The following WT1 variants were observed in gnomAD, a reference collection of about 807,000 sequenced individuals.
WT1 encodes WT1 transcription factor.
Under a neutral mutation model 60.8 loss-of-function variants are expected in WT1, and 8 were observed. The ratio of observed to expected loss-of-function variants is 0.13; its 90% CI spans 0.08 to 0.24. The LOEUF is 0.24. Among genes scored for constraint, WT1 ranks in the 10% least tolerant of loss-of-function variants. The pLI is 1.00. For synonymous variants in WT1, 312 were observed against 297.1 expected (o/e 1.05, Z -0.52); for missense variants, 568 against 711.8 (o/e 0.80, Z 2.30).
At chr11:32,406,458 C>T (rs1186508521) in intron 5 of WT1, among the ~76,000 whole-genome samples, 1 of 152,024 alleles carries the variant, frequency 6.6e-6, no homozygotes, top group South Asian at 2.1e-4. Flanking sequence ...TTTGCTACCT[C>T]GCCTGCCGCT....
chr11:32,392,150 G>T, intron 8 of WT1, 86 bp from the exon 9 acceptor site: 1 of 1,213,140 alleles, frequency 8.2e-7, no homozygotes, highest in Non-Finnish European at 1.2e-6. Context: ...AGCTGGAGGA[G>T]CCCAGCATTT....
chr11:32,416,926 C>T (rs778623647), intron 4 of WT1, among the ~76,000 whole-genome samples: 3 of 152,168 alleles, frequency 2.0e-5, no homozygotes, highest in Non-Finnish European at 4.4e-5. Flanking sequence ...GCTGCAGGCA[C>T]TTCATGAGTG....
chr11:32,421,850 G>A (rs1362553139), intron 3 of WT1, among the ~76,000 whole-genome samples: 1 of 152,204 alleles, frequency 6.6e-6, no homozygotes, highest in Non-Finnish European at 1.5e-5. Context: ...GTCATCAAGG[G>A]AATAGAACCA....
rs1189961244 is a variant in WT1, at chr11:32,388,745, CA to C, written c.*312del. On this transcript the variant is annotated 3_prime_UTR_variant, in exon 10 of 10. Transcript: ENST00000452863. Reference sequence around the variant, plus strand: ...GAGCATAAAAAAAGAAGGGAAGGGTCAGGGGGACATGATCAGCTATGGCTCT... The same window carrying C: ...GAGCATAAAAAAAGAAGGGAAGGGTCGGGGGACATGATCAGCTATGGCTCT... 2.2e-6 allele frequency: 1 copy of C among 459,722 alleles called. No individual in the cohort carries two copies. Among genetic ancestry groups the C allele is most frequent in the Non-Finnish European group, 4.0e-6 (1 of 251,352 alleles). The allele number at this position is 459,722 out of a possible 1,614,324, so 28.5% of individuals were successfully genotyped here.
At chr11:32,427,210 T>A (rs1447992661) in intron 3 of WT1, among the ~76,000 whole-genome samples, 2 of 152,176 alleles carry the variant, frequency 1.3e-5, no homozygotes, top group Non-Finnish European at 2.9e-5. Flanking sequence ...GGCAACCCTA[T>A]CGCAGACGCG....
In WT1 at chr11:32,410,508, T is replaced by G. The variant is rs563592865; in HGVS notation, c.1016+5982A>C. Among the ~76,000 whole-genome samples, 321 of 152,314 alleles carry G rather than the reference T, an allele frequency of 2.1e-3. 1 individual carries two copies. Among genetic ancestry groups the G allele is most frequent in the Non-Finnish European group, 1.5e-3 (100 of 68,032 alleles). On this transcript the variant is annotated intron_variant, in intron 5 of 9. Transcript: ENST00000452863. ...TATATTTAGAGGTAACTGCAATTAATAGTCTGATAAATGTTTCCAGAATTT... is the reference window on the plus strand; with the variant it reads ...TATATTTAGAGGTAACTGCAATTAAGAGTCTGATAAATGTTTCCAGAATTT...
Position 32,435,112 on chromosome 11 carries a change from C to T in WT1, c.249G>A (p.Ala83=), listed in dbSNP as rs1233220797. ...CCAGGGAGGGGACGGCGGGCAGCAG[C>T]GCGTTCAGGTCCCGCACGTCGGAGC... Residue 83 remains alanine (A), a synonymous_variant, in exon 1 of 10, where the codon GCG becomes GCA. Coordinates refer to ENST00000452863, the MANE Select transcript of WT1 (RefSeq NM_024426.6). 3 of 1,509,100 alleles carry T rather than the reference C, an allele frequency of 2.0e-6. No homozygotes were observed. Among genetic ancestry groups the T allele is most frequent in the Non-Finnish European group, 2.6e-6 (3 of 1,136,856 alleles). 93.5% of individuals were successfully genotyped at this position (1,509,100 alleles called of 1,614,324 possible).
chr11:32,400,453 A>C, intron 5 of WT1: 2 of 344,184 alleles, frequency 5.8e-6, no homozygotes, highest in South Asian at 4.8e-5. Flanking sequence ...TCGGCACCTC[A>C]TGACTCAGTT....
intron 1 of WT1, among the ~76,000 whole-genome samples, chr11:32,431,461 G>A (rs1853308018): frequency 2.0e-5 from 3 of 147,454 alleles, no homozygotes; most frequent in Admixed American, 1.3e-4. Flanking sequence ...TTCCGAGACG[G>A]AGTTTCGCTC....
At chr11:32,408,402 C>A (rs1285784131) in intron 5 of WT1, among the ~76,000 whole-genome samples, 1 of 150,276 alleles carries the variant, frequency 6.7e-6, no homozygotes, top group Admixed American at 6.7e-5. Context: ...GTAGTCCCAG[C>A]TACTTGGGAG....
rs1853447426 is a variant in WT1, at chr11:32,434,912, C to T, written c.449G>A (p.Ser150Asn). ...CTCGTGCGGCTCCGCGCCGCCCCAGCTCGGCTCCTGTTTGATGAAGGAGTG... is the reference window on the plus strand; with the variant it reads ...CTCGTGCGGCTCCGCGCCGCCCCAGTTCGGCTCCTGTTTGATGAAGGAGTG... Residue 150 changes from serine to asparagine, a missense_variant, in exon 1 of 10, where the codon AGC becomes AAC. By Grantham distance (46) the Ser-to-Asn change is conservative. Around this residue, in one of 3 missense-constraint regions of WT1, gnomAD observed 523 missense variants for 565.1 expected, o/e 0.93. Transcript: ENST00000452863. The T allele has an allele frequency of 6.2e-7, 1 of 1,609,476 alleles. No individual in the cohort carries two copies. The highest frequency in any genetic ancestry group is 8.5e-7 in the Non-Finnish European group (1 of 1,179,044).
intron 1 of WT1, among the ~76,000 whole-genome samples, chr11:32,431,595 C>T (rs1043606087): frequency 2.0e-4 from 22 of 107,514 alleles, no homozygotes; most frequent in African/African-American, 1.1e-3. Flanking sequence ...CGTCACCAAG[C>T]CCGGCCAATT....
intron 3 of WT1, among the ~76,000 whole-genome samples, chr11:32,425,285 A>C (rs1852995035): frequency 6.6e-6 from 1 of 152,048 alleles, no homozygotes; most frequent in Non-Finnish European, 1.5e-5. Flanking sequence ...AAGGCAAACA[A>C]AATACAAGCA....
intron 7 of WT1, among the ~76,000 whole-genome samples, chr11:32,394,645 C>A (rs1174854789): frequency 1.3e-5 from 2 of 152,138 alleles, no homozygotes; most frequent in East Asian, 1.9e-4. Context: ...GAGCCTGACA[C>A]CCAAAAAGTA....
chr11:32,432,075 C>T (rs1330993407), intron 1 of WT1, among the ~76,000 whole-genome samples: 16 of 152,128 alleles, frequency 1.1e-4, no homozygotes, highest in Admixed American at 9.2e-4. Flanking sequence ...ACCAAGTAGG[C>T]GATTGATGTT....
rs138586346 is a variant in WT1, at chr11:32,391,523, C to T, written c.1447+449G>A. ...ATACTGGTCCAGCAGAAACCAAGAC[C>T]GCTCCTGGTGCATTAACTTTTAACA... On this transcript the variant is annotated intron_variant, in intron 9 of 9. Coordinates refer to ENST00000452863, the MANE Select transcript of WT1 (RefSeq NM_024426.6). Among the ~76,000 whole-genome samples, 786 of 152,290 alleles carry T rather than the reference C, an allele frequency of 5.2e-3. 8 individuals are homozygous for T. Among genetic ancestry groups the T allele is most frequent in the African/African-American group, 0.018 (750 of 41,556 alleles).
At chr11:32,415,345 AC>A (rs5030224) in intron 5 of WT1, among the ~76,000 whole-genome samples, 3,272 of 152,258 alleles carry the variant, frequency 0.021, 117 homozygotes, top group African/African-American at 0.075. Flanking sequence ...GGAACTTAAG[AC>A]GAGTTAAGAA....
chr11:32,416,428 C>G, intron 5 of WT1, 62 bp downstream of exon 5: 1 of 1,608,578 alleles, frequency 6.2e-7, no homozygotes, highest in South Asian at 1.1e-5. Flanking sequence ...CCTGCATTGC[C>G]CCAGGTGCCA....
At position 32,389,156 on chromosome 11, in the gene WT1, A is replaced by G. The variant is rs2132899535; in HGVS notation, c.1471T>C (p.Trp491Arg). ...GCAAACTTTTTCTGACAACTTGGCC[A>G]CCGACAGCTGAAGGGCTTTTCACCT... is the stretch of plus-strand genomic sequence containing the variant. The change falls in exon 10 of 10, where the codon TGG becomes CGG. Residue 491 changes from tryptophan (W) to arginine (R), a missense_variant. Trp to Arg is a moderately radical substitution (Grantham distance 101). This residue lies in a region of WT1 where 29 missense variants were observed against 46.8 expected (regional missense o/e 0.62). Coordinates refer to ENST00000452863, the MANE Select transcript of WT1 (RefSeq NM_024426.6). 1 of 1,614,156 alleles carries G rather than the reference A, an allele frequency of 6.2e-7. No homozygotes were observed. The highest frequency in any genetic ancestry group is 8.5e-7 in the Non-Finnish European group (1 of 1,180,030).
Sources: allele counts gnomAD v4.1 joint callset (sites outside exome capture counted in the v4.1 genomes callset), GRCh38; gene constraint gnomAD v4.1.1; regional missense constraint gnomAD v4.1.1; transcripts MANE v1.5; gene names NCBI Gene and HGNC (gene_info 2026-07-23, HGNC 2026-07-21).